Variants in INSYN2B observed in about 807,000 individuals in gnomAD.
INSYN2B encodes protein INSYN2B.
In INSYN2B, 16 loss-of-function variants were observed where a neutral mutation model predicts 41.2. That is an observed-to-expected ratio of 0.39 (90% confidence interval 0.26 to 0.59). The LOEUF is 0.59. INSYN2B is among the 20% of genes least tolerant of loss of function. The pLI, the probability that INSYN2B is intolerant of heterozygous loss-of-function variation, is 0.57. For synonymous variants in INSYN2B, 245 were observed against 244.4 expected (o/e 1.00, Z -0.02); for missense variants, 608 against 646.4 (o/e 0.94, Z 0.64).
intron 1 of INSYN2B, among the ~76,000 whole-genome samples, chr5:169,900,602 T>C (rs1481911538): frequency 6.6e-6 from 1 of 152,210 alleles, no homozygotes; most frequent in African/African-American, 2.4e-5. Context: ...TGGGCTGTAA[T>C]ATTAAGAGTA....
chr5:169,914,069 T>C (rs1348561519), intron 1 of INSYN2B, among the ~76,000 whole-genome samples: 1 of 152,204 alleles, frequency 6.6e-6, no homozygotes, highest in Non-Finnish European at 1.5e-5. Context: ...ATGAAGCTTT[T>C]GACTGAAGAA....
chr5:169,890,391 G>A (rs1054954627), intron 1 of INSYN2B, among the ~76,000 whole-genome samples: 6 of 152,262 alleles, frequency 3.9e-5, no homozygotes, highest in African/African-American at 1.2e-4. Flanking sequence ...TTTGTCTTCA[G>A]TTAATTGCTT....
chr5:169,871,047 A>G (rs183098357), intron 3 of INSYN2B, among the ~76,000 whole-genome samples: 64 of 152,290 alleles, frequency 4.2e-4, no homozygotes, highest in East Asian at 3.9e-3. Context: ...CGTGGCAGAA[A>G]GGGGAGAGGG....
intron 1 of INSYN2B, among the ~76,000 whole-genome samples, chr5:169,955,447 AC>A (rs1232186104): frequency 1.3e-5 from 2 of 152,198 alleles, no homozygotes; most frequent in African/African-American, 4.8e-5. Context: ...CCTGGACAGT[AC>A]GTGCTGTCAC....
intron 1 of INSYN2B, among the ~76,000 whole-genome samples, chr5:169,975,891 G>A (rs1377728024): frequency 1.3e-5 from 2 of 152,172 alleles, no homozygotes; most frequent in Non-Finnish European, 2.9e-5. Context: ...CATAGTAGGT[G>A]CTCAAGAAAT....
chr5:169,946,240 CCA>C (rs1776443012), intron 1 of INSYN2B, among the ~76,000 whole-genome samples: 1 of 152,172 alleles, frequency 6.6e-6, no homozygotes, highest in Admixed American at 6.5e-5. Context: ...TTCTGGACTG[CCA>C]CAGTGAAGAA....
intron 1 of INSYN2B, among the ~76,000 whole-genome samples, chr5:169,977,466 T>C (rs1023645419): frequency 2.0e-5 from 3 of 152,200 alleles, no homozygotes; most frequent in African/African-American, 4.8e-5. Flanking sequence ...TTCTAAGTCC[T>C]TTACACAAAT....
intron 1 of INSYN2B, among the ~76,000 whole-genome samples, chr5:169,930,601 C>T (rs1054373339): frequency 7.9e-5 from 12 of 152,092 alleles, no homozygotes; most frequent in Non-Finnish European, 1.8e-4. Context: ...TGGTGGCTGC[C>T]AAATCAATTT....
intron 1 of INSYN2B, among the ~76,000 whole-genome samples, chr5:169,894,347 G>A (rs986760310): frequency 3.9e-5 from 6 of 152,108 alleles, no homozygotes; most frequent in African/African-American, 1.4e-4. Context: ...GCCTTGGGTG[G>A]GGGCTGGCAG....
intron 1 of INSYN2B, among the ~76,000 whole-genome samples, chr5:169,963,972 C>T (rs1777195585): frequency 6.6e-6 from 1 of 152,084 alleles, no homozygotes; most frequent in African/African-American, 2.4e-5. Context: ...GAGAGAACCA[C>T]TGCTTCAAGG....
Position 169,882,724 on chromosome 5 carries a change from C to T in INSYN2B, c.1175G>A (p.Ser392Asn). 6.4e-7 allele frequency: 1 copy of T among 1,551,978 alleles called. No individual in the cohort carries two copies. The highest frequency in any genetic ancestry group is 8.7e-7 in the Non-Finnish European group (1 of 1,147,018). ...ATTAATGTCACTAATCTCCCTGTTG[C>T]TCTGAAGTTTGGTCTCACTCCTTGA... The part of the protein sequence containing the change: ...SLSRSETKLQ[S>N]NREISDINQI... The change falls in exon 2 of 4, where the codon AGC becomes AAC. Residue 392 changes from serine (S) to asparagine (N), a missense_variant. Physicochemically the swap from Ser to Asn is conservative, Grantham distance 46 (BLOSUM62 1). Coordinates refer to ENST00000377365, the MANE Select transcript of INSYN2B (RefSeq NM_001129891.3).
At chr5:169,958,351 G>A (rs1310531016) in intron 1 of INSYN2B, among the ~76,000 whole-genome samples, 1 of 152,198 alleles carries the variant, frequency 6.6e-6, no homozygotes, top group Non-Finnish European at 1.5e-5. Flanking sequence ...TCTGGGGACA[G>A]TGAAAAGCCC....
At chr5:169,954,343 G>T (rs1776781880) in intron 1 of INSYN2B, among the ~76,000 whole-genome samples, 1 of 152,190 alleles carries the variant, frequency 6.6e-6, no homozygotes, top group Admixed American at 6.5e-5. Context: ...AACAATTAAT[G>T]ATGTTTATAT....
In INSYN2B at chr5:169,961,978, C is replaced by CAAAAAAAAA. The variant is rs70979150; in HGVS notation, c.-919+18290_-919+18298dup. Among the ~76,000 whole-genome samples the CAAAAAAAAA allele has an allele frequency of 8.0e-4, 60 of 74,632 alleles. 19 individuals are homozygous for CAAAAAAAAA. Among genetic ancestry groups the CAAAAAAAAA allele is most frequent in the African/African-American group, 3.0e-3 (45 of 14,776 alleles). The allele number at this position is 74,632 out of a possible 152,430, so 49.0% of individuals were successfully genotyped here. A position where few individuals can be genotyped will look rare whatever the true frequency, so the allele number is the denominator to read the frequency against. On this transcript the variant is annotated intron_variant, in intron 1 of 3. Transcript: ENST00000377365. The stretch of plus-strand genomic sequence containing the variant: ...TGGGTGAAAAAGTGAGACTCTGTCC[C>CAAAAAAAAA]AAAAAAAAAAAAAAAAATGGAGAAA...
At chr5:169,956,708 A>G (rs1184258697) in intron 1 of INSYN2B, among the ~76,000 whole-genome samples, 1 of 152,202 alleles carries the variant, frequency 6.6e-6, no homozygotes, top group Non-Finnish European at 1.5e-5. Flanking sequence ...TCACCTGTTT[A>G]TAAATACAAG....
intron 1 of INSYN2B, among the ~76,000 whole-genome samples, chr5:169,948,319 A>G (rs1320778636): frequency 2.0e-5 from 3 of 152,214 alleles, no homozygotes; most frequent in Non-Finnish European, 4.4e-5. Flanking sequence ...ACAAATACAC[A>G]TAAGTGTTAT....
Position 169,861,949 on chromosome 5 carries a change from G to C in INSYN2B, c.*2324C>G, listed in dbSNP as rs987200309. Among the ~76,000 whole-genome samples, 1 of 126,028 alleles carries C rather than the reference G, an allele frequency of 7.9e-6. No homozygotes were observed. Among genetic ancestry groups the C allele is most frequent in the African/African-American group, 2.8e-5 (1 of 36,098 alleles). 82.7% of individuals were successfully genotyped at this position (126,028 alleles called of 152,430 possible). ...TTTTCTTTTCTTTTCTTTTTTTTTT[G>C]TTGGGGAAGTGCAGAAAATGTCAAC... On this transcript the variant is annotated 3_prime_UTR_variant, in exon 4 of 4. Transcript: ENST00000377365.
intron 2 of INSYN2B, 92 bp from the exon 3 acceptor site, chr5:169,881,534 A>T (rs1397602254): frequency 2.1e-6 from 2 of 947,862 alleles, no homozygotes; most frequent in East Asian, 5.3e-5. Context: ...TCCCTATAGC[A>T]CAGCATTCAC....
rs1267264783 is a variant in INSYN2B at position 169,882,978 on chromosome 5, C to A, written c.921G>T (p.Arg307=). 55 of 1,551,380 alleles carry A rather than the reference C, an allele frequency of 3.5e-5. No homozygotes were observed. Among genetic ancestry groups the A allele is most frequent in the Non-Finnish European group, 4.6e-5 (53 of 1,146,868 alleles). ...SKETCVPSSP[R]THSSPSQGSH... is the part of the protein sequence containing the mutation. ...AGCCTTGTGAGGGGGAACTGTGAGTCCGTGGAGATGAAGGAACACACGTTT... is the reference window on the plus strand; with the variant it reads ...AGCCTTGTGAGGGGGAACTGTGAGTACGTGGAGATGAAGGAACACACGTTT... The change falls in exon 2 of 4, where the codon CGG becomes CGT. Residue 307 remains arginine, a synonymous_variant. Transcript: ENST00000377365.
Sources: allele counts gnomAD v4.1 joint callset (sites outside exome capture counted in the v4.1 genomes callset), GRCh38; gene constraint gnomAD v4.1.1; transcripts MANE v1.5; gene names NCBI Gene and HGNC (gene_info 2026-07-23, HGNC 2026-07-21).